PIR: variants seen among roughly 807,000 people sequenced by gnomAD.
PIR encodes pirin.
Under a neutral mutation model 24.2 loss-of-function variants are expected in PIR, and 22 were observed. The ratio of observed to expected loss-of-function variants is 0.91; its 90% confidence interval spans 0.65 to 1.30. The LOEUF (loss-of-function observed/expected upper bound fraction) is 1.30. Among genes scored for constraint, PIR ranks in the 50% most tolerant of loss-of-function variants. PIR has a pLI of 0.00. For synonymous variants in PIR, 80 were observed against 79.6 expected (o/e 1.00, Z -0.03); for missense variants, 220 against 220.3 (o/e 1.00, Z 0.01).
chrX:15,436,732 T>C (rs1465238499), intron 5 of PIR, among the ~76,000 whole-genome samples: 1 of 112,630 alleles, frequency 8.9e-6, no homozygotes, highest in Admixed American at 9.4e-5. Context: ...TAAAATATTT[T>C]TAAGAGTTCT....
At chrX:15,420,335 T>C (rs1374246681) in intron 6 of PIR, among the ~76,000 whole-genome samples, 1 of 111,766 alleles carries the variant, frequency 8.9e-6, no homozygotes, top group Non-Finnish European at 1.9e-5. Flanking sequence ...CAGGAGGCAA[T>C]ATAAGGTGAT....
chrX:15,466,006 G>GTTTTTTTTTTT lies in PIR; in HGVS notation c.190-6277_190-6267dup, dbSNP rs200803758. On this transcript the variant is annotated intron_variant, in intron 3 of 9. Coordinates refer to ENST00000380420, the MANE Select transcript of PIR (RefSeq NM_001018109.3). ...TTCCATTTGCTTTAAAATGGTGGCT[G>GTTTTTTTTTTT]TTTTTTTTTTTTTTTTTTTTTTGTC... is the stretch of plus-strand genomic sequence containing the variant. 1.6e-3 allele frequency among the ~76,000 whole-genome samples: 103 copies of GTTTTTTTTTTT among 63,084 alleles called. 2 individuals are homozygous for GTTTTTTTTTTT. Among genetic ancestry groups the GTTTTTTTTTTT allele is most frequent in the African/African-American group, 1.9e-3 (28 of 14,419 alleles). 54.8% of individuals were successfully genotyped at this position (63,084 alleles called of 115,157 possible). A position where few individuals can be genotyped will look rare whatever the true frequency, so the allele number is the denominator to read the frequency against.
chrX:15,436,442 C>T (rs765316383), intron 5 of PIR, among the ~76,000 whole-genome samples: 24 of 111,767 alleles, frequency 2.1e-4, no homozygotes, highest in Non-Finnish European at 4.3e-4. Context: ...AGCATCCTTG[C>T]CTGAATTTGG....
intron 5 of PIR, among the ~76,000 whole-genome samples, chrX:15,445,448 T>C (rs1209840391): frequency 9.0e-6 from 1 of 111,338 alleles, no homozygotes; most frequent in Non-Finnish European, 1.9e-5. Flanking sequence ...GACGCGTTGA[T>C]GGGTGCAGCA....
chrX:15,442,680 A>C lies in PIR; in HGVS notation c.480+13168T>G, dbSNP rs1458766730. 3.6e-5 allele frequency among the ~76,000 whole-genome samples: 4 copies of C among 112,165 alleles called. No individual in the cohort carries two copies. In the Admixed American group the frequency reaches 3.8e-4, roughly 11 times the overall value. On this transcript the variant is annotated intron_variant, in intron 5 of 9. Transcript: ENST00000380420. ...ACAGCCTAATTGCTGATATGGAGAAAGTTTGAGTGGTCTGGATGGAAGATC... is the reference window on the plus strand; with the variant it reads ...ACAGCCTAATTGCTGATATGGAGAACGTTTGAGTGGTCTGGATGGAAGATC...
chrX:15,387,047 TTTTTG>T (rs1269642848), intron 9 of PIR, among the ~76,000 whole-genome samples: 1 of 104,107 alleles, frequency 9.6e-6, no homozygotes, highest in African/African-American at 3.5e-5. Flanking sequence ...TTCTGGATAT[TTTTTG>T]TTTTGTTTTT....
chrX:15,414,479 A>G (rs1393948153), intron 6 of PIR, among the ~76,000 whole-genome samples: 4 of 112,428 alleles, frequency 3.6e-5, no homozygotes, highest in Admixed American at 2.8e-4. Flanking sequence ...ATAAAATTCT[A>G]TTTTAGCACT....
At chrX:15,492,851 C>T (rs749098660) in intron 1 of PIR, among the ~76,000 whole-genome samples, 1 of 111,732 alleles carries the variant, frequency 8.9e-6, no homozygotes, top group Non-Finnish European at 1.9e-5. Context: ...GGTTGCAAGG[C>T]GCAGAAACGA....
At chrX:15,423,016 T>C (rs924039702) in intron 6 of PIR, among the ~76,000 whole-genome samples, 2 of 111,714 alleles carry the variant, frequency 1.8e-5, no homozygotes, top group Admixed American at 9.5e-5. Context: ...GCTAAGAACA[T>C]ACACTGAGGA....
At chrX:15,465,071 T>A (rs11094682) in intron 3 of PIR, among the ~76,000 whole-genome samples, 25,460 of 110,484 alleles carry the variant, frequency 0.23, 2,502 homozygotes, top group East Asian at 0.51. Flanking sequence ...AACACTTTTT[T>A]AAAAAGATTC....
chrX:15,465,192 A>G (rs1203350544), intron 3 of PIR, among the ~76,000 whole-genome samples: 1 of 111,830 alleles, frequency 8.9e-6, no homozygotes, highest in Non-Finnish European at 1.9e-5. Context: ...AATCTGAATT[A>G]GAGAAGTCTG....
At chrX:15,386,328 CT>C (rs1923748088) in intron 9 of PIR, among the ~76,000 whole-genome samples, 1 of 112,168 alleles carries the variant, frequency 8.9e-6, no homozygotes, top group Admixed American at 9.5e-5. Context: ...CTTGATGATG[CT>C]GAAATCTTTG....
intron 5 of PIR, among the ~76,000 whole-genome samples, chrX:15,448,832 G>A (rs1926190782): frequency 8.9e-6 from 1 of 111,746 alleles, no homozygotes; most frequent in Non-Finnish European, 1.9e-5. Context: ...TCCCTATTCT[G>A]GAGTATCATG....
chrX:15,436,459 G>A (rs1250941251), intron 5 of PIR, among the ~76,000 whole-genome samples: 1 of 111,863 alleles, frequency 8.9e-6, no homozygotes, highest in Admixed American at 9.5e-5. Context: ...TTGGGTTACA[G>A]ATGTTCTAAT....
intron 2 of PIR, among the ~76,000 whole-genome samples, chrX:15,484,306 C>CT (rs1193474348): frequency 0.018 from 1,209 of 67,418 alleles, 100 homozygotes; most frequent in African/African-American, 0.039. Flanking sequence ...TCTCAATTTT[C>CT]TTTTTTTTTT....
intron 5 of PIR, among the ~76,000 whole-genome samples, chrX:15,426,692 T>C (rs1227319697): frequency 8.9e-6 from 1 of 112,510 alleles, no homozygotes; most frequent in Non-Finnish European, 1.9e-5. Flanking sequence ...GGTTCCAGTC[T>C]ACTTTATAAA....
intron 3 of PIR, among the ~76,000 whole-genome samples, chrX:15,474,276 A>G (rs887743596): frequency 8.9e-6 from 1 of 112,310 alleles, no homozygotes. Flanking sequence ...TTGAACACTC[A>G]GCAGTGTATG....
At chrX:15,441,286 T>C (rs1424243539) in intron 5 of PIR, among the ~76,000 whole-genome samples, 1 of 112,222 alleles carries the variant, frequency 8.9e-6, no homozygotes, top group African/African-American at 3.2e-5. Context: ...AGATCAGAAC[T>C]TTACTTTTGT....
At position 15,455,893 on chromosome X, in the gene PIR, A is replaced by C; in HGVS notation, c.435T>G (p.Asp145Glu). The change falls in exon 5 of 10, where the codon GAT becomes GAG. Residue 145 changes from aspartate to glutamate, a missense_variant. Asp to Glu is a conservative substitution (Grantham distance 45). Transcript: ENST00000380420. ...KSEEIPKPSKDGVTVAVISGE... is the reference protein window; with the variant it reads ...KSEEIPKPSKEGVTVAVISGE... ...CAGAAATGACAGCAACTGTCACACC[A>C]TCCTTACTGGGTTTAGGGATTTCTT... 8.3e-7 allele frequency: 1 copy of C among 1,210,729 alleles called. No homozygotes were observed. Among genetic ancestry groups the C allele is most frequent in the Non-Finnish European group, 1.1e-6 (1 of 894,577 alleles).
Sources: allele counts gnomAD v4.1 joint callset (sites outside exome capture counted in the v4.1 genomes callset), GRCh38; gene constraint gnomAD v4.1.1; transcripts MANE v1.5; gene names NCBI Gene and HGNC (gene_info 2026-07-23, HGNC 2026-07-21).